MAPT: variants seen among roughly 807,000 people sequenced by gnomAD.
The protein encoded by MAPT is microtubule associated protein tau.
A neutral mutation model predicts 67.9 loss-of-function variants in MAPT; 34 were observed. The observed-to-expected ratio is 0.50, with a 90% confidence interval of 0.38 to 0.67. The LOEUF (loss-of-function observed/expected upper bound fraction) is 0.67, where lower values mean the gene tolerates loss of function less well. Among genes scored for constraint, MAPT ranks in the 30% least tolerant of loss-of-function variants. The probability of loss-of-function intolerance (pLI) is 0.00; values close to 1 mark genes in which losing one functional copy is unlikely to be tolerated. For missense variants in MAPT, 881 were observed against 1,115.2 expected, an observed-to-expected ratio of 0.79 and a Z score of 2.99; for synonymous variants, 456 against 464.5, an observed-to-expected ratio of 0.98 and a Z score of 0.23.
intron 1 of MAPT, among the ~76,000 whole-genome samples, chr17:45,941,956 A>G (rs1422334657): frequency 6.6e-6 from 1 of 152,072 alleles, no homozygotes; most frequent in African/African-American, 2.4e-5. Flanking sequence ...AAATTGATCT[A>G]GACCCACAGG....
chr17:45,926,302 ATTTAT>A (rs2066284589), intron 1 of MAPT, among the ~76,000 whole-genome samples: 1 of 151,816 alleles, frequency 6.6e-6, no homozygotes, highest in Non-Finnish European at 1.5e-5. Flanking sequence ...TTATTTATAT[ATTTAT>A]TTTATTCATT....
At chr17:45,940,176 A>G (rs1312873903) in intron 1 of MAPT, among the ~76,000 whole-genome samples, 2 of 152,252 alleles carry the variant, frequency 1.3e-5, no homozygotes, top group African/African-American at 2.4e-5. Flanking sequence ...TTTGACCTGC[A>G]ATATCAAATG....
chr17:45,953,457 T>C (rs987567468), intron 1 of MAPT, among the ~76,000 whole-genome samples: 1 of 152,238 alleles, frequency 6.6e-6, no homozygotes, highest in Non-Finnish European at 1.5e-5. Flanking sequence ...CCTACGAGCA[T>C]TTCCTGTCCC....
At chr17:45,959,576 G>C (rs1029374198) in intron 1 of MAPT, among the ~76,000 whole-genome samples, 13 of 152,134 alleles carry the variant, frequency 8.5e-5, no homozygotes, top group African/African-American at 2.9e-4. Context: ...GGGAGGCCGA[G>C]GCAGGCAGAT....
chr17:45,990,475 G>A (rs750234351), intron 7 of MAPT: 31 of 450,610 alleles, frequency 6.9e-5, no homozygotes, highest in Middle Eastern at 5.3e-4. Context: ...TTAGCCGGGC[G>A]TGGTGGTATG....
rs926747637 is a variant in MAPT at position 45,897,593 on chromosome 17, T to G, written c.-18+2907T>G. 2.0e-5 allele frequency: 3 copies of G among 152,390 alleles called. No homozygotes were observed. Among genetic ancestry groups the G allele is most frequent in the African/African-American group, 7.2e-5 (3 of 41,566 alleles). 9.4% of individuals were successfully genotyped at this position (152,390 alleles called of 1,614,324 possible). The stretch of plus-strand genomic sequence containing the variant: ...GGTGCTGAACCAGCCGGTGCGCCTC[T>G]GGAAATGTCTGGGCACGGATCCTGG... On this transcript the variant is annotated intron_variant, in intron 1 of 12. Coordinates refer to ENST00000262410, the MANE Select transcript of MAPT (RefSeq NM_001377265.1). The surrounding 1 kb of genome is among the most constrained non-coding windows in gnomAD (Gnocchi z 5.0).
At position 45,996,442 on chromosome 17, in the gene MAPT, C is replaced by A; in HGVS notation, c.1776C>A (p.Pro592=). Residue 592 remains proline, a synonymous_variant, in exon 9 of 13, where the codon CCC becomes CCA. Transcript: ENST00000262410. This position sits in a 1 kb window ranked among gnomAD's most constrained non-coding sequence, Gnocchi z 4.5. ...GGGATCGCAGCGGCTACAGCAGCCCCGGCTCCCCAGGCACTCCCGGCAGCC... is the reference window on the plus strand; with the variant it reads ...GGGATCGCAGCGGCTACAGCAGCCCAGGCTCCCCAGGCACTCCCGGCAGCC... ...KSGDRSGYSS[P]GSPGTPGSRS... 7 of 1,612,824 alleles carry A rather than the reference C, an allele frequency of 4.3e-6. No individual in the cohort carries two copies. The highest frequency in any genetic ancestry group is 5.9e-6 in the Non-Finnish European group (7 of 1,179,956).
At chr17:45,919,385 C>T (rs775172164) in intron 1 of MAPT, among the ~76,000 whole-genome samples, 1 of 152,204 alleles carries the variant, frequency 6.6e-6, no homozygotes, top group African/African-American at 2.4e-5. Flanking sequence ...GGCATCCTCA[C>T]GCTGCAGAGG....
chr17:46,011,487 C>T (rs893337775), intron 10 of MAPT, among the ~76,000 whole-genome samples: 9 of 152,130 alleles, frequency 5.9e-5, no homozygotes, highest in South Asian at 2.1e-4. Context: ...GGAGTGTCTC[C>T]GTGAGATTCG....
chr17:45,973,191 A>G (rs186658654), intron 3 of MAPT: 2 of 152,314 alleles, frequency 1.3e-5, no homozygotes, highest in African/African-American at 4.8e-5. Context: ...GCTTGGTATA[A>G]TGCTACAGCT....
In MAPT at chr17:45,989,882, C is replaced by T; in HGVS notation, c.1412C>T (p.Ser471Phe). 6.2e-7 allele frequency: 1 copy of T among 1,613,842 alleles called. No homozygotes were observed. The highest frequency in any genetic ancestry group is 2.2e-5 in the East Asian group (1 of 44,872). The change falls in exon 7 of 13, where the codon TCC (serine) becomes TTC (phenylalanine). Residue 471 changes from serine to phenylalanine, a missense_variant. Physicochemically the swap from Ser to Phe is radical, Grantham distance 155. This residue lies in a region of MAPT where 687 missense variants were observed against 766.1 expected (regional missense o/e 0.90). Transcript: ENST00000262410. Reference protein sequence around the residue: ...TGSDDKKAKTSTRSSAKTLKN... With the variant: ...TGSDDKKAKTFTRSSAKTLKN... ...TTATTTATGTTTATGTTTAAGACAT[C>T]CACACGTTCCTCTGCTAAAACCTTG...
Position 46,024,114 on chromosome 17 carries a change from C to G in MAPT, c.2445C>G (p.Pro815=), listed in dbSNP as rs140985540. The change falls in exon 13 of 13, where the codon CCC becomes CCG. Residue 815 remains proline, a synonymous_variant. Transcript: ENST00000262410. ...GCAGCATCGACATGGTAGACTCGCC[C>G]CAGCTCGCCACGCTAGCTGACGAGG... ...STGSIDMVDS[P]QLATLADEVS... 2 of 1,614,066 alleles carry G rather than the reference C, an allele frequency of 1.2e-6. No homozygotes were observed. Among genetic ancestry groups the G allele is most frequent in the African/African-American group, 2.7e-5 (2 of 74,946 alleles).
intron 2 of MAPT, among the ~76,000 whole-genome samples, chr17:45,970,932 G>T (rs116451447): frequency 6.6e-6 from 1 of 152,194 alleles, no homozygotes; most frequent in Non-Finnish European, 1.5e-5. Context: ...TGAGCATTTT[G>T]TCCCTTCCCA....
intron 1 of MAPT, among the ~76,000 whole-genome samples, chr17:45,909,044 A>C (rs1461678268): frequency 6.6e-6 from 1 of 152,230 alleles, no homozygotes; most frequent in Non-Finnish European, 1.5e-5. Flanking sequence ...CATGGCCTGC[A>C]TAGGCCCCCA....
intron 9 of MAPT, among the ~76,000 whole-genome samples, chr17:46,009,212 A>G (rs2075655804): frequency 1.3e-5 from 2 of 152,170 alleles, no homozygotes; most frequent in Admixed American, 6.5e-5. Flanking sequence ...AAAGAAAAAA[A>G]ACAAAACAAA....
intron 1 of MAPT, among the ~76,000 whole-genome samples, chr17:45,929,852 C>T (rs1418396886): frequency 6.6e-6 from 1 of 152,106 alleles, no homozygotes; most frequent in East Asian, 1.9e-4. Context: ...ATTGCCTGGC[C>T]GTTGTGTGCT....
intron 1 of MAPT, among the ~76,000 whole-genome samples, chr17:45,939,387 TATC>T (rs749775582): frequency 6.6e-5 from 10 of 152,252 alleles, no homozygotes; most frequent in Middle Eastern, 3.2e-3. Flanking sequence ...CTTGATATCT[TATC>T]AGATTTTCCT....
chr17:45,914,751 C>T (rs1448846922), intron 1 of MAPT, among the ~76,000 whole-genome samples: 1 of 148,800 alleles, frequency 6.7e-6, no homozygotes, highest in African/African-American at 2.5e-5. Flanking sequence ...GACAGGGTCT[C>T]TCTCTGTTGC....
chr17:45,932,090 GA>G (rs57389672), intron 1 of MAPT: 11,850 of 139,364 alleles, frequency 0.085, 663 homozygotes, highest in South Asian at 0.28. Flanking sequence ...CTCAAAAAAA[GA>G]AAAAAAAAAA....
Sources: gnomAD v4.1 joint callset for allele counts (sites outside exome capture counted in the v4.1 genomes callset) on GRCh38, gnomAD v4.1.1 for gene constraint, gnomAD v4.1.1 regional missense constraint, Gnocchi (gnomAD v3.1) non-coding constraint, MANE v1.5 for transcripts, NCBI Gene and HGNC (gene_info 2026-07-23, HGNC 2026-07-21) for gene names.